The following MNAT1 variants were observed in gnomAD, a reference collection of about 807,000 sequenced individuals.
The protein encoded by MNAT1 is CDK-activating kinase assembly factor MAT1.
A neutral mutation model predicts 42.0 loss-of-function variants in MNAT1; 43 were observed. The observed-to-expected ratio is 1.02, with a 90% CI of 0.80 to 1.32. MNAT1 has a LOEUF of 1.32. MNAT1 is among the 40% of genes most tolerant of loss of function. MNAT1 has a pLI of 0.00. For synonymous variants in MNAT1, 118 were observed against 120.0 expected (o/e 0.98, Z 0.11); for missense variants, 306 against 350.4 (o/e 0.87, Z 1.01).
In MNAT1 at chr14:60,968,513, A is replaced by T. The variant is rs756958074; in HGVS notation, c.*164A>T. 6.8e-7 allele frequency: 1 copy of T among 1,476,166 alleles called. No individual in the cohort carries two copies. Among genetic ancestry groups the T allele is most frequent in the Non-Finnish European group, 9.0e-7 (1 of 1,109,636 alleles). 91.4% of individuals were successfully genotyped at this position (1,476,166 alleles called of 1,614,324 possible). ...ATTTCAGAACTAAGTTGAGTAATAT[A>T]GGGGATATATATTTGTGAAAAATAA... On this transcript the variant is annotated 3_prime_UTR_variant, in exon 8 of 8. Coordinates refer to ENST00000261245, the MANE Select transcript of MNAT1 (RefSeq NM_002431.4).
chr14:60,787,074 A>G (rs572502190), intron 1 of MNAT1, among the ~76,000 whole-genome samples: 1 of 152,272 alleles, frequency 6.6e-6, no homozygotes, highest in South Asian at 2.1e-4. Context: ...CGTTCTTTCA[A>G]GTCTCCAAAG....
At position 60,959,963 on chromosome 14, in the gene MNAT1, T is replaced by C. The variant is rs557980601; in HGVS notation, c.810-8266T>C. Among the ~76,000 whole-genome samples the C allele has an allele frequency of 9.7e-5, 14 of 144,268 alleles. No homozygotes were observed. The South Asian group carries it at 2.4e-3, about 25-fold the overall frequency. The allele number at this position is 144,268 out of a possible 152,430, so 94.6% of individuals were successfully genotyped here. ...GCTAAGCATTGTTTCTGAGAGTCAGTCGTATTGATGCATGTACATAGCTGT... is the reference window on the plus strand; with the variant it reads ...GCTAAGCATTGTTTCTGAGAGTCAGCCGTATTGATGCATGTACATAGCTGT... On this transcript the variant is annotated intron_variant, in intron 7 of 7. Coordinates refer to ENST00000261245, the MANE Select transcript of MNAT1 (RefSeq NM_002431.4).
chr14:60,742,026 T>C (rs1594714228), intron 1 of MNAT1, among the ~76,000 whole-genome samples: 1 of 152,102 alleles, frequency 6.6e-6, no homozygotes, highest in East Asian at 1.9e-4. Context: ...TATTTTGAAA[T>C]AATTGGATTT....
intron 7 of MNAT1, among the ~76,000 whole-genome samples, chr14:60,917,690 T>C (rs1358090461): frequency 6.6e-6 from 1 of 151,756 alleles, no homozygotes; most frequent in East Asian, 1.9e-4. Context: ...TGGCGTGATC[T>C]CGGCTCACTG....
chr14:60,884,760 G>A (rs1214184509), intron 7 of MNAT1, among the ~76,000 whole-genome samples: 1 of 151,952 alleles, frequency 6.6e-6, no homozygotes, highest in African/African-American at 2.4e-5. Flanking sequence ...AATATTCTGT[G>A]TTTTTCTGTG....
At chr14:60,846,163 A>G (rs946169361) in intron 6 of MNAT1, among the ~76,000 whole-genome samples, 5 of 131,964 alleles carry the variant, frequency 3.8e-5, no homozygotes, top group African/African-American at 1.2e-4. Flanking sequence ...CCATTCTCCT[A>G]TTCCTTTTTC....
chr14:60,758,997 A>AC (rs2030483644), intron 1 of MNAT1, among the ~76,000 whole-genome samples: 1 of 152,066 alleles, frequency 6.6e-6, no homozygotes, highest in African/African-American at 2.4e-5. Flanking sequence ...TGACACACAG[A>AC]CCCCACATCA....
At chr14:60,798,023 C>A in intron 2 of MNAT1, 64 bp from the exon 3 acceptor site, 2 of 771,306 alleles carry the variant, frequency 2.6e-6, no homozygotes, top group Non-Finnish European at 2.2e-6. Flanking sequence ...AACAAGCAAA[C>A]CAGTTAGATA....
intron 7 of MNAT1, among the ~76,000 whole-genome samples, chr14:60,930,206 TTTATTA>T (rs71114168): frequency 0.011 from 1,504 of 138,740 alleles, 23 homozygotes; most frequent in African/African-American, 0.028. Flanking sequence ...TTCTTCCGTC[TTTATTA>T]TTATTATTAT....
At chr14:60,910,531 A>G (rs565908564) in intron 7 of MNAT1, among the ~76,000 whole-genome samples, 9 of 152,332 alleles carry the variant, frequency 5.9e-5, no homozygotes, top group Admixed American at 3.3e-4. Context: ...GTTTTTAAGC[A>G]TGAAGCATTG....
intron 7 of MNAT1, among the ~76,000 whole-genome samples, chr14:60,891,928 T>C (rs1419265010): frequency 6.6e-6 from 1 of 152,230 alleles, no homozygotes; most frequent in Non-Finnish European, 1.5e-5. Context: ...TAGTGTATTG[T>C]ACGATTTCTA....
chr14:60,737,457 C>T (rs756522992), intron 1 of MNAT1, among the ~76,000 whole-genome samples: 26 of 151,934 alleles, frequency 1.7e-4, no homozygotes, highest in Non-Finnish European at 3.7e-4. Context: ...CTCTCTAGAT[C>T]AATATGCATA....
intron 4 of MNAT1, among the ~76,000 whole-genome samples, chr14:60,809,287 G>T (rs541322879): frequency 6.6e-6 from 1 of 152,194 alleles, no homozygotes; most frequent in South Asian, 2.1e-4. Context: ...ATTTAGAAGA[G>T]ACTTCCTCCT....
chr14:60,758,605 AAC>A (rs760369030), intron 1 of MNAT1, among the ~76,000 whole-genome samples: 22 of 151,906 alleles, frequency 1.4e-4, no homozygotes, highest in Non-Finnish European at 3.1e-4. Flanking sequence ...TCCAAAAAAA[AAC>A]CCCCAAATTC....
In MNAT1 at chr14:60,942,001, C is replaced by CT. The variant is rs1335824403; in HGVS notation, c.810-26227dup. Among the ~76,000 whole-genome samples, 27 of 15,718 alleles carry CT rather than the reference C, an allele frequency of 1.7e-3. 1 individual carries two copies. Among genetic ancestry groups the CT allele is most frequent in the African/African-American group, 4.6e-3 (26 of 5,708 alleles). 10.3% of individuals were successfully genotyped at this position (15,718 alleles called of 152,430 possible). A position where few individuals can be genotyped will look rare whatever the true frequency, so the allele number is the denominator to read the frequency against. ...CCTGGGCGACAGAATGAGGCTCCAT[C>CT]TCAAAAAAAAAAAAAAAAAAAAAAA... On this transcript the variant is annotated intron_variant, in intron 7 of 7. Transcript: ENST00000261245.
At chr14:60,959,306 A>G (rs1390874528) in intron 7 of MNAT1, among the ~76,000 whole-genome samples, 2 of 152,208 alleles carry the variant, frequency 1.3e-5, no homozygotes, top group Non-Finnish European at 2.9e-5. Flanking sequence ...CTCAGCAGAG[A>G]AGGCTGCTGG....
At chr14:60,742,966 A>G (rs1896515856) in intron 1 of MNAT1, among the ~76,000 whole-genome samples, 1 of 152,236 alleles carries the variant, frequency 6.6e-6, no homozygotes, top group African/African-American at 2.4e-5. Context: ...TTCATGTACA[A>G]GTTTTCGTAT....
chr14:60,753,462 T>A (rs1425518566), intron 1 of MNAT1: 1 of 152,248 alleles, frequency 6.6e-6, no homozygotes, highest in African/African-American at 2.4e-5. Context: ...TACTGTTATT[T>A]TTTGGCTAGA....
chr14:60,937,269 G>T lies in MNAT1; in HGVS notation c.810-30960G>T, dbSNP rs981261206. ...GTCAATTTTGGCTTTTGTTGCCATT[G>T]CTTTTGGTGTTTTAAACATGAAGTC... On this transcript the variant is annotated intron_variant, in intron 7 of 7. Transcript: ENST00000261245. 3.3e-5 allele frequency among the ~76,000 whole-genome samples: 5 copies of T among 152,266 alleles called. No individual in the cohort carries two copies. In the South Asian group the frequency reaches 1.0e-3, roughly 32 times the overall value.
Sources: gnomAD v4.1 joint callset for allele counts (sites outside exome capture counted in the v4.1 genomes callset) on GRCh38, gnomAD v4.1.1 for gene constraint, MANE v1.5 for transcripts, NCBI Gene and HGNC (gene_info 2026-07-23, HGNC 2026-07-21) for gene names.